Variants in FREM2 observed in about 807,000 individuals in gnomAD.
FREM2 encodes FRAS1 related extracellular matrix 2.
FREM2 carries 119 observed loss-of-function variants against 219.9 expected under a neutral mutation model. That is an observed-to-expected ratio of 0.54 (90% CI 0.47 to 0.63). FREM2 has a LOEUF of 0.63. Among genes scored for constraint, FREM2 ranks in the 30% least tolerant of loss-of-function variants. The pLI is 0.00. For missense variants in FREM2, 4,030 were observed against 3,993.6 expected, an observed-to-expected ratio of 1.01 and a Z score of -0.25; for synonymous variants, 1,562 against 1,522.8, an observed-to-expected ratio of 1.03 and a Z score of -0.60.
At chr13:38,721,678 C>T (rs1315498733) in intron 2 of FREM2, among the ~76,000 whole-genome samples, 1 of 152,140 alleles carries the variant, frequency 6.6e-6, no homozygotes, top group African/African-American at 2.4e-5. Context: ...GTTCTTGTTT[C>T]TGAGGCTATG....
chr13:38,691,993 T>C lies in FREM2; in HGVS notation c.4649T>C (p.Leu1550Pro), dbSNP rs747571420. 6.2e-7 allele frequency: 1 copy of C among 1,614,230 alleles called. No homozygotes were observed. Among genetic ancestry groups the C allele is most frequent in the Non-Finnish European group, 8.5e-7 (1 of 1,180,034 alleles). The change falls in exon 1 of 24, where the codon CTG becomes CCG. Residue 1550 changes from leucine (L) to proline (P), a missense_variant. Coordinates refer to ENST00000280481, the MANE Select transcript of FREM2 (RefSeq NM_207361.6). ...GTTGTCAGTGAAAGTGAAAACAAGCTGATTACTCCTTTTGAGCTCACTGTC... is the reference window on the plus strand; with the variant it reads ...GTTGTCAGTGAAAGTGAAAACAAGCCGATTACTCCTTTTGAGCTCACTGTC... ...KLVVSESENK[L>P]ITPFELTVED...
At chr13:38,803,105 A>C (rs1192062720) in intron 6 of FREM2, among the ~76,000 whole-genome samples, 2 of 152,164 alleles carry the variant, frequency 1.3e-5, no homozygotes. Flanking sequence ...AGCTGCATCT[A>C]GTCAGCCCTC....
intron 2 of FREM2, among the ~76,000 whole-genome samples, chr13:38,738,565 C>CAAAAA (rs71074478): frequency 8.3e-5 from 4 of 48,462 alleles, no homozygotes; most frequent in African/African-American, 2.0e-4. Context: ...GACTCCATCT[C>CAAAAA]AAAAAAAAAA....
At chr13:38,719,464 G>T (rs973050662) in intron 2 of FREM2, among the ~76,000 whole-genome samples, 1 of 151,998 alleles carries the variant, frequency 6.6e-6, no homozygotes, top group African/African-American at 2.4e-5. Flanking sequence ...TAGGTGATCC[G>T]CCCACCTTGG....
chr13:38,696,770 C>T (rs1331119672), intron 1 of FREM2, among the ~76,000 whole-genome samples: 1 of 150,870 alleles, frequency 6.6e-6, no homozygotes, highest in Non-Finnish European at 1.5e-5. Flanking sequence ...AGGAACATTT[C>T]TGAGGCAATA....
chr13:38,800,036 A>G (rs1456467568), intron 6 of FREM2, among the ~76,000 whole-genome samples: 2 of 151,908 alleles, frequency 1.3e-5, no homozygotes, highest in African/African-American at 4.8e-5. Context: ...GTTATTTTAT[A>G]TATTATCTGT....
chr13:38,877,984 A>G, intron 21 of FREM2, 150 bp from the exon 22 acceptor site: 2 of 701,068 alleles, frequency 2.9e-6, no homozygotes, highest in Non-Finnish European at 5.0e-6. Flanking sequence ...CAGATCTTGA[A>G]GCTCATGCAA....
At chr13:38,828,496 C>A (rs1260026597) in intron 6 of FREM2, among the ~76,000 whole-genome samples, 1 of 151,966 alleles carries the variant, frequency 6.6e-6, no homozygotes, top group African/African-American at 2.4e-5. Context: ...TCACTTGAGG[C>A]CAGGAGTTTG....
In FREM2 at chr13:38,687,912, G is replaced by T; in HGVS notation, c.568G>T (p.Val190Leu). ...EVVTRNLPLV[V>L]EELLGTSNAL... Reference sequence around the variant, plus strand: ...TGTGACTCGGAACTTGCCTCTGGTCGTGGAAGAGCTGCTGGGGACCAGCAA... The same window carrying T: ...TGTGACTCGGAACTTGCCTCTGGTCTTGGAAGAGCTGCTGGGGACCAGCAA... The change falls in exon 1 of 24, where the codon GTG becomes TTG. Residue 190 changes from valine to leucine, a missense_variant. By Grantham distance (32) the Val-to-Leu change is conservative. Transcript: ENST00000280481. 1 of 1,594,784 alleles carries T rather than the reference G, an allele frequency of 6.3e-7. No homozygotes were observed. Among genetic ancestry groups the T allele is most frequent in the Admixed American group, 1.7e-5 (1 of 57,464 alleles).
intron 4 of FREM2, among the ~76,000 whole-genome samples, chr13:38,777,589 A>G (rs1043254174): frequency 5.9e-5 from 9 of 152,240 alleles, no homozygotes; most frequent in African/African-American, 2.2e-4. Flanking sequence ...TGAAGTGTTT[A>G]GAATAGAGCT....
chr13:38,758,612 G>C (rs1873110602), intron 2 of FREM2, among the ~76,000 whole-genome samples: 1 of 152,186 alleles, frequency 6.6e-6, no homozygotes, highest in Non-Finnish European at 1.5e-5. Context: ...TCAGCAAAGA[G>C]TGAAGTCAGT....
intron 15 of FREM2, among the ~76,000 whole-genome samples, chr13:38,862,466 A>G (rs959170369): frequency 6.6e-6 from 1 of 152,166 alleles, no homozygotes; most frequent in Non-Finnish European, 1.5e-5. Context: ...GACCTATAAG[A>G]GTTATTTCCT....
Position 38,819,056 on chromosome 13 carries a change from A to G in FREM2, c.6020-27517A>G, listed in dbSNP as rs780644957. ...AAATATGGGAAATTACAGAGTGTCA[A>G]TTAAAAAACAAATTTAAAAACAAAG... On this transcript the variant is annotated intron_variant, in intron 6 of 23. Coordinates refer to ENST00000280481, the MANE Select transcript of FREM2 (RefSeq NM_207361.6). Among the ~76,000 whole-genome samples, 38 of 152,300 alleles carry G rather than the reference A, an allele frequency of 2.5e-4. 1 individual carries two copies. The highest frequency in any genetic ancestry group is 6.8e-3 in the Middle Eastern group (2 of 294).
chr13:38,759,109 C>T (rs1873131311), intron 2 of FREM2, among the ~76,000 whole-genome samples: 1 of 152,160 alleles, frequency 6.6e-6, no homozygotes, highest in Non-Finnish European at 1.5e-5. Flanking sequence ...AATCTTTTCT[C>T]ATATAAATAT....
At chr13:38,842,810 G>A (rs534312963) in intron 6 of FREM2, among the ~76,000 whole-genome samples, 45 of 152,126 alleles carry the variant, frequency 3.0e-4, no homozygotes, top group Non-Finnish European at 5.3e-4. Flanking sequence ...TGTCTTTGTT[G>A]CAGGTATCTG....
At position 38,689,554 on chromosome 13, in the gene FREM2, A is replaced by G. The variant is rs774161846; in HGVS notation, c.2210A>G (p.Glu737Gly). 1.2e-6 allele frequency: 2 copies of G among 1,613,630 alleles called. No individual in the cohort carries two copies. Among genetic ancestry groups the G allele is most frequent in the Admixed American group, 1.7e-5 (1 of 59,980 alleles). Residue 737 changes from glutamate (E) to glycine (G), a missense_variant, in exon 1 of 24, where the codon GAA (glutamate) becomes GGA (glycine). Glu to Gly is a moderately conservative substitution (Grantham distance 98, BLOSUM62 -2). Coordinates refer to ENST00000280481, the MANE Select transcript of FREM2 (RefSeq NM_207361.6). Reference sequence around the variant, plus strand: ...ACTGACCTGGACACAGATGACCGAGAACTACGTTACACAGTGACTCAGCCC... The same window carrying G: ...ACTGACCTGGACACAGATGACCGAGGACTACGTTACACAGTGACTCAGCCC... The part of the protein sequence containing the change: ...RYTDLDTDDR[E>G]LRYTVTQPPT...
At chr13:38,735,589 G>A (rs531209549) in intron 2 of FREM2, among the ~76,000 whole-genome samples, 2 of 151,750 alleles carry the variant, frequency 1.3e-5, no homozygotes, top group Non-Finnish European at 2.9e-5. Context: ...TATAGCAAGC[G>A]CTTAAAAAAA....
At chr13:38,760,911 A>G (rs969438990) in intron 2 of FREM2, among the ~76,000 whole-genome samples, 40 of 152,170 alleles carry the variant, frequency 2.6e-4, no homozygotes, top group Non-Finnish European at 4.7e-4. Context: ...ATAAAGGGGT[A>G]GAGAGGGCTG....
At position 38,692,164 on chromosome 13, in the gene FREM2, A is replaced by G. The variant is rs111436916; in HGVS notation, c.4820A>G (p.Asp1607Gly). 1.2e-6 allele frequency: 2 copies of G among 1,614,068 alleles called. No individual in the cohort carries two copies. The highest frequency in any genetic ancestry group is 1.7e-5 in the Admixed American group (1 of 60,004). The change falls in exon 1 of 24, where the codon GAT (aspartate) becomes GGT (glycine). Residue 1607 changes from aspartate (D) to glycine (G), a missense_variant. Asp to Gly is a moderately conservative substitution (Grantham distance 94). This residue lies in a region of FREM2 where 3,102 missense variants were observed against 2,950.7 expected (regional missense o/e 1.05). Coordinates refer to ENST00000280481, the MANE Select transcript of FREM2 (RefSeq NM_207361.6). ...GAAAACTTAATCAGCTACAAACATG[A>G]TGGCACTGAGTCAAGTGAAGATAGC... ...LNENLISYKH[D>G]GTESSEDSFS...
Sources: allele counts gnomAD v4.1 joint callset (sites outside exome capture counted in the v4.1 genomes callset), GRCh38; gene constraint gnomAD v4.1.1; regional missense constraint gnomAD v4.1.1; transcripts MANE v1.5; gene names NCBI Gene and HGNC (gene_info 2026-07-23, HGNC 2026-07-21).